The following SECISBP2L variants were observed in gnomAD, a reference collection of about 807,000 sequenced individuals.
The protein encoded by SECISBP2L is selenocysteine insertion sequence-binding protein 2-like.
In SECISBP2L, 43 loss-of-function variants were observed where a neutral mutation model predicts 114.7. The ratio of observed to expected loss-of-function variants is 0.38; its 90% CI spans 0.29 to 0.48. SECISBP2L has a LOEUF of 0.48. SECISBP2L is among the 20% of genes least tolerant of loss of function. The pLI, the probability that SECISBP2L is intolerant of heterozygous loss-of-function variation, is 0.98. For synonymous variants in SECISBP2L, 451 were observed against 439.7 expected (o/e 1.03, Z -0.32); for missense variants, 1,136 against 1,301.1 (o/e 0.87, Z 1.95).
chr15:49,011,893 C>T (rs1369003501), intron 12 of SECISBP2L, 30 bp from the exon 13 acceptor site: 7 of 1,607,510 alleles, frequency 4.4e-6, no homozygotes, highest in Non-Finnish European at 6.0e-6. Flanking sequence ...TCTTTAATTA[C>T]AGATTACTCT....
intron 4 of SECISBP2L, among the ~76,000 whole-genome samples, chr15:49,030,641 C>T (rs537790332): frequency 1.3e-5 from 2 of 152,252 alleles, no homozygotes; most frequent in South Asian, 4.1e-4. Flanking sequence ...GAAATAGTTC[C>T]CTCCCTGCAG....
intron 7 of SECISBP2L, among the ~76,000 whole-genome samples, chr15:49,019,809 G>A (rs1902606195): frequency 6.6e-6 from 1 of 152,152 alleles, no homozygotes; most frequent in African/African-American, 2.4e-5. Flanking sequence ...TCACAAAAGT[G>A]AAAACAGGAA....
At chr15:49,003,230 C>A (rs1902247024) in intron 14 of SECISBP2L, among the ~76,000 whole-genome samples, 2 of 152,096 alleles carry the variant, frequency 1.3e-5, no homozygotes, top group African/African-American at 4.8e-5. Flanking sequence ...TGGGAGTTCA[C>A]TCATTATTTG....
Position 48,999,931 on chromosome 15 carries a change from G to C in SECISBP2L, c.2305C>G (p.Pro769Ala). The stretch of plus-strand genomic sequence containing the variant: ...TTCCTTCCAAGGGCAAACACAAAAG[G>C]AATTTCTTGTTCCCGTGCCATGGCT... ...VIAMAREQEI[P>A]FVFALGRKAL... Residue 769 changes from proline (P) to alanine (A), a missense_variant, in exon 16 of 18, where the codon CCT (proline) becomes GCT (alanine). Transcript: ENST00000559471. The C allele has an allele frequency of 6.2e-7, 1 of 1,613,906 alleles. No individual in the cohort carries two copies. The highest frequency in any genetic ancestry group is 8.5e-7 in the Non-Finnish European group (1 of 1,179,912).
At chr15:49,011,644 C>A (rs1296003964) in intron 13 of SECISBP2L, 87 bp downstream of exon 13, 3 of 1,448,326 alleles carry the variant, frequency 2.1e-6, no homozygotes, top group Middle Eastern at 1.8e-4. Flanking sequence ...GTCTTCCAAT[C>A]AGGAGCATTA....
intron 8 of SECISBP2L, among the ~76,000 whole-genome samples, chr15:49,018,256 ATTT>A (rs111439945): frequency 7.1e-6 from 1 of 139,904 alleles, no homozygotes. Flanking sequence ...CATATTATTG[ATTT>A]TTTTTTTTTT....
chr15:49,010,124 GACACACACACAC>G (rs61663836), intron 13 of SECISBP2L, among the ~76,000 whole-genome samples: 3 of 138,748 alleles, frequency 2.2e-5, no homozygotes, highest in Non-Finnish European at 3.1e-5. Flanking sequence ...AACAGAGGCA[GACACACACACAC>G]ACACACACAC....
At position 49,033,088 on chromosome 15, in the gene SECISBP2L, G is replaced by C. The variant is rs1295095345; in HGVS notation, c.541C>G (p.Gln181Glu). 7.4e-6 allele frequency: 12 copies of C among 1,611,988 alleles called. No individual in the cohort carries two copies. In the African/African-American group the frequency reaches 1.6e-4, roughly 22 times the overall value. The change falls in exon 4 of 18, where the codon CAA (glutamine) becomes GAA (glutamate). Residue 181 changes from glutamine to glutamate, a missense_variant. By Grantham distance (29) the Gln-to-Glu change is conservative. This residue lies in a region of SECISBP2L where 452 missense variants were observed against 452.3 expected (regional missense o/e 1.00). Coordinates refer to ENST00000559471, the MANE Select transcript of SECISBP2L (RefSeq NM_001193489.2). ...GGCCTTTTGCTTTTTATGTGCTGTT[G>C]TAAAAGCTGTTGCTGATTTAAAAAA... ...GSVVPKQQLL[Q>E]QHIKSKRPLV...
intron 1 of SECISBP2L, among the ~76,000 whole-genome samples, chr15:49,043,115 T>C (rs1186277014): frequency 6.6e-6 from 1 of 152,180 alleles, no homozygotes. Flanking sequence ...TATGAACATA[T>C]TATTTTTTAA....
intron 7 of SECISBP2L, among the ~76,000 whole-genome samples, chr15:49,026,411 T>C (rs1295570301): frequency 2.0e-5 from 3 of 152,218 alleles, no homozygotes; most frequent in Non-Finnish European, 2.9e-5. Flanking sequence ...ATGTTTGAGA[T>C]GATGGATATG....
intron 1 of SECISBP2L, among the ~76,000 whole-genome samples, chr15:49,040,739 C>T (rs1357077819): frequency 1.3e-5 from 2 of 150,878 alleles, no homozygotes; most frequent in South Asian, 2.1e-4. Context: ...GGGGTTTCAC[C>T]GTGTTAGCCA....
At chr15:49,004,409 G>GT (rs1251280347) in intron 14 of SECISBP2L, among the ~76,000 whole-genome samples, 1 of 152,096 alleles carries the variant, frequency 6.6e-6, no homozygotes, top group African/African-American at 2.4e-5. Flanking sequence ...TGTTTGAAGG[G>GT]TTTTTTGTGT....
rs1446077632 is a variant in SECISBP2L at position 48,992,371 on chromosome 15, T to G, written c.3179A>C (p.Glu1060Ala). 2 of 1,614,026 alleles carry G rather than the reference T, an allele frequency of 1.2e-6. No individual in the cohort carries two copies. The highest frequency in any genetic ancestry group is 3.3e-5 in the Admixed American group (2 of 59,984). ...CCATGCCTCACTGTCCATCCCTGGC[T>G]CCAGCACCTCAGGCGCCTCTGCTTC... ...EEEAEAPEVLEPGMDSEAWTA... is the reference protein window; with the variant it reads ...EEEAEAPEVLAPGMDSEAWTA... The change falls in exon 18 of 18, where the codon GAG becomes GCG. Residue 1060 changes from glutamate (E) to alanine (A), a missense_variant. Transcript: ENST00000559471.
chr15:48,996,428 A>G lies in SECISBP2L; in HGVS notation c.2562T>C (p.Ser854=). The G allele has an allele frequency of 6.2e-7, 1 of 1,614,136 alleles. No individual in the cohort carries two copies. The highest frequency in any genetic ancestry group is 1.3e-5 in the African/African-American group (1 of 75,044). ...MGHSRNPSAA[S]AISFCSVISE... ...AAATAACACTGCAGAAAGAAATGGC[A>G]CTTGCTGCAGAGGGATTCCGAGAAT... The change falls in exon 17 of 18, where the codon AGT becomes AGC. Residue 854 remains serine, a synonymous_variant. Transcript: ENST00000559471.
intron 14 of SECISBP2L, among the ~76,000 whole-genome samples, chr15:49,002,713 C>T (rs903929101): frequency 3.9e-5 from 6 of 152,198 alleles, no homozygotes; most frequent in Admixed American, 2.6e-4. Context: ...ATAAGGAATC[C>T]TTTCCCCATT....
chr15:49,019,331 TACTC>T, intron 8 of SECISBP2L, 83 bp downstream of exon 8: 2 of 1,066,478 alleles, frequency 1.9e-6, no homozygotes, highest in Non-Finnish European at 2.4e-6. Context: ...ACATAAAAAG[TACTC>T]ACAATGTTCA....
intron 1 of SECISBP2L, among the ~76,000 whole-genome samples, chr15:49,040,767 T>G (rs931662678): frequency 5.3e-5 from 8 of 151,518 alleles, no homozygotes; most frequent in Non-Finnish European, 1.2e-4. Flanking sequence ...CTCGATCTCC[T>G]GACCTCGTGA....
At chr15:49,030,258 T>C (rs1902858698) in intron 4 of SECISBP2L, among the ~76,000 whole-genome samples, 1 of 152,210 alleles carries the variant, frequency 6.6e-6, no homozygotes, top group Non-Finnish European at 1.5e-5. Flanking sequence ...TAGAGTAGTA[T>C]CCAAGCAGGA....
intron 8 of SECISBP2L, among the ~76,000 whole-genome samples, chr15:49,018,147 GTAC>G (rs1202992196): frequency 6.6e-6 from 1 of 151,964 alleles, no homozygotes; most frequent in African/African-American, 2.4e-5. Context: ...TTGAGTACAT[GTAC>G]TACAATTGCC....
Sources: allele counts gnomAD v4.1 joint callset (sites outside exome capture counted in the v4.1 genomes callset), GRCh38; gene constraint gnomAD v4.1.1; regional missense constraint gnomAD v4.1.1; transcripts MANE v1.5; gene names NCBI Gene and HGNC (gene_info 2026-07-23, HGNC 2026-07-21).